MAP3K21: variants seen among roughly 807,000 people sequenced by gnomAD.
MAP3K21 encodes the protein mitogen-activated protein kinase kinase kinase 21.
Under a neutral mutation model 86.1 loss-of-function variants are expected in MAP3K21, and 63 were observed. The observed-to-expected ratio is 0.73, with a 90% CI of 0.60 to 0.90. The LOEUF (loss-of-function observed/expected upper bound fraction) is 0.90. MAP3K21 is among the 40% of genes least tolerant of loss of function. The probability of loss-of-function intolerance (pLI) is 0.00; values close to 1 mark genes in which losing one functional copy is unlikely to be tolerated. For synonymous variants in MAP3K21, 558 were observed against 564.8 expected (o/e 0.99, Z 0.17); for missense variants, 1,220 against 1,367.7 (o/e 0.89, Z 1.70).
chr1:233,348,858 G>T (rs1431171928), intron 2 of MAP3K21, among the ~76,000 whole-genome samples: 1 of 152,088 alleles, frequency 6.6e-6, no homozygotes, highest in Admixed American at 6.5e-5. Flanking sequence ...AGGTCTGCCT[G>T]GCTCTCAGAT....
intron 2 of MAP3K21, among the ~76,000 whole-genome samples, chr1:233,349,846 A>G (rs991795267): frequency 6.6e-6 from 1 of 152,044 alleles, no homozygotes; most frequent in Non-Finnish European, 1.5e-5. Context: ...CTGAGGCTGG[A>G]GAATCACTTG....
In MAP3K21 at chr1:233,334,573, TA is replaced by T. The variant is rs58009276; in HGVS notation, c.805+5741del. ...GGAACAATGAGTAGTTAGGTGTAAC[TA>T]GAATGAAAAGTGGAGAAAGGGTTTT... On this transcript the variant is annotated intron_variant, in intron 1 of 9. Coordinates refer to ENST00000366624, the MANE Select transcript of MAP3K21 (RefSeq NM_032435.3). Among the ~76,000 whole-genome samples the T allele has an allele frequency of 6.3e-3, 910 of 144,316 alleles. 20 individuals are homozygous for T. The East Asian group carries it at 0.069, about 11-fold the overall frequency. The allele number at this position is 144,316 out of a possible 152,430, so 94.7% of individuals were successfully genotyped here. A position where few individuals can be genotyped will look rare whatever the true frequency, so the allele number is the denominator to read the frequency against.
chr1:233,345,979 G>A (rs963615657), intron 1 of MAP3K21, among the ~76,000 whole-genome samples: 1 of 152,134 alleles, frequency 6.6e-6, no homozygotes, highest in Non-Finnish European at 1.5e-5. Context: ...ATCAGTTAAA[G>A]AATCTATAAG....
chr1:233,371,211 C>T (rs1017935062), intron 5 of MAP3K21, among the ~76,000 whole-genome samples: 4 of 152,170 alleles, frequency 2.6e-5, no homozygotes, highest in Non-Finnish European at 4.4e-5. Context: ...TTCAACACCA[C>T]GACCACCATG....
intron 2 of MAP3K21, 41 bp from the exon 3 acceptor site, chr1:233,353,766 A>G (rs1215717499): frequency 2.0e-6 from 3 of 1,474,604 alleles, no homozygotes; most frequent in Admixed American, 2.4e-5. Flanking sequence ...AGGAAAAGAC[A>G]CTGTTTAGCC....
At chr1:233,366,961 A>G (rs946275824) in intron 5 of MAP3K21, among the ~76,000 whole-genome samples, 13 of 152,166 alleles carry the variant, frequency 8.5e-5, no homozygotes, top group African/African-American at 3.1e-4. Context: ...ATACTTTGTG[A>G]TTATGTAGTA....
chr1:233,357,725 G>A (rs1663391160), intron 4 of MAP3K21, among the ~76,000 whole-genome samples: 1 of 152,190 alleles, frequency 6.6e-6, no homozygotes, highest in South Asian at 2.1e-4. Context: ...GCACACAAGG[G>A]GGTGGGGACT....
chr1:233,328,518 G>T lies in MAP3K21; in HGVS notation c.490G>T (p.Ala164Ser). 1.3e-6 allele frequency: 2 copies of T among 1,527,082 alleles called. No individual in the cohort carries two copies. Among genetic ancestry groups the T allele is most frequent in the Non-Finnish European group, 1.7e-6 (2 of 1,147,864 alleles). The allele number at this position is 1,527,082 out of a possible 1,614,324, so 94.6% of individuals were successfully genotyped here. A position where few individuals can be genotyped will look rare whatever the true frequency, so the allele number is the denominator to read the frequency against. Reference protein sequence around the residue: ...RQDPEQDAAAAAESVRREARL... With the variant: ...RQDPEQDAAASAESVRREARL... ...GGACCCGGAGCAGGACGCGGCGGCG[G>T]CTGCCGAGAGCGTGCGGCGCGAGGC... is the stretch of plus-strand genomic sequence containing the variant. The change falls in exon 1 of 10, where the codon GCT becomes TCT. Residue 164 changes from alanine to serine, a missense_variant. Physicochemically the swap from Ala to Ser is moderately conservative, Grantham distance 99. This residue lies in a region of MAP3K21 where 369 missense variants were observed against 385.3 expected (regional missense o/e 0.96). Coordinates refer to ENST00000366624, the MANE Select transcript of MAP3K21 (RefSeq NM_032435.3). The surrounding 1 kb of genome is among the most constrained non-coding windows in gnomAD (Gnocchi z 8.7).
At chr1:233,339,466 T>C (rs1662994268) in intron 1 of MAP3K21, among the ~76,000 whole-genome samples, 1 of 104,914 alleles carries the variant, frequency 9.5e-6, no homozygotes, top group Admixed American at 1.3e-4. Context: ...CTCCTCCTCC[T>C]TCTCCTTCTT....
At chr1:233,334,130 A>G (rs1662868101) in intron 1 of MAP3K21, among the ~76,000 whole-genome samples, 1 of 147,912 alleles carries the variant, frequency 6.8e-6, no homozygotes, top group African/African-American at 2.5e-5. Flanking sequence ...CGCCCAAAGT[A>G]CTGGGATTAC....
intron 4 of MAP3K21, among the ~76,000 whole-genome samples, chr1:233,357,294 A>AC (rs1023550280): frequency 2.6e-5 from 4 of 152,216 alleles, no homozygotes; most frequent in Admixed American, 1.3e-4. Flanking sequence ...TAGGAGATAT[A>AC]CCTAATGTAA....
intron 8 of MAP3K21, among the ~76,000 whole-genome samples, chr1:233,377,329 C>T: frequency 6.6e-6 from 1 of 152,152 alleles, no homozygotes; most frequent in East Asian, 1.9e-4. Flanking sequence ...TAGGCAGACT[C>T]TTTGGTACTT....
At position 233,376,468 on chromosome 1, in the gene MAP3K21, C is replaced by G. The variant is rs139378773; in HGVS notation, c.1865C>G (p.Thr622Ser). Reference sequence around the variant, plus strand: ...TCCGATGGCAACAGTCCTTGGTCAACTATCTTAATAAAAAATCAGAAAACC... The same window carrying G: ...TCCGATGGCAACAGTCCTTGGTCAAGTATCTTAATAAAAAATCAGAAAACC... ...PLSDGNSPWS[T>S]ILIKNQKTMP... The change falls in exon 8 of 10, where the codon ACT (threonine) becomes AGT (serine). Residue 622 changes from threonine (T) to serine (S), a missense_variant. By Grantham distance (58) the Thr-to-Ser change is moderately conservative. Coordinates refer to ENST00000366624, the MANE Select transcript of MAP3K21 (RefSeq NM_032435.3). 8.1e-4 allele frequency: 1,311 copies of G among 1,613,682 alleles called. 7 individuals are homozygous for G. In the African/African-American group the frequency reaches 0.014, roughly 17 times the overall value.
chr1:233,344,991 C>T (rs538333143), intron 1 of MAP3K21, among the ~76,000 whole-genome samples: 1,903 of 151,858 alleles, frequency 0.013, 48 homozygotes, highest in African/African-American at 0.043. Context: ...ATGCTTATCA[C>T]TACTGGTCAT....
chr1:233,337,415 A>G (rs1662938553), intron 1 of MAP3K21, among the ~76,000 whole-genome samples: 1 of 152,198 alleles, frequency 6.6e-6, no homozygotes, highest in Non-Finnish European at 1.5e-5. Flanking sequence ...TTACTTAGAA[A>G]CACTTCTAAG....
intron 1 of MAP3K21, among the ~76,000 whole-genome samples, chr1:233,340,164 C>T (rs985901763): frequency 6.6e-6 from 1 of 152,140 alleles, no homozygotes; most frequent in African/African-American, 2.4e-5. Flanking sequence ...AGGCAAAAGG[C>T]AATGGGGAGA....
Position 233,328,619 on chromosome 1 carries a change from C to A in MAP3K21, c.591C>A (p.Cys197Ter). The A allele has an allele frequency of 2.0e-6, 3 of 1,496,098 alleles. No homozygotes were observed. Among genetic ancestry groups the A allele is most frequent in the Non-Finnish European group, 2.7e-6 (3 of 1,129,500 alleles). 92.7% of individuals were successfully genotyped at this position (1,496,098 alleles called of 1,614,324 possible). The change falls in exon 1 of 10, where the codon TGC becomes TGA. Residue 197 changes from cysteine to a stop codon, truncating the protein, a stop_gained. Transcript: ENST00000366624. LOFTEE classifies it high-confidence loss of function. The surrounding 1 kb of genome is among the most constrained non-coding windows in gnomAD (Gnocchi z 8.7). ...RGVCLQQPHL[C>*]LVLEFARGGA... is the part of the protein sequence containing the mutation. The stretch of plus-strand genomic sequence containing the variant: ...TGTGCCTGCAGCAGCCGCACCTCTG[C>A]CTGGTGCTGGAGTTCGCCCGCGGCG...
At chr1:233,361,451 T>C (rs1663464140) in intron 4 of MAP3K21, among the ~76,000 whole-genome samples, 2 of 152,240 alleles carry the variant, frequency 1.3e-5, no homozygotes, top group African/African-American at 4.8e-5. Context: ...TTCATTTTCA[T>C]TTCCAGCAGG....
At chr1:233,348,718 A>G (rs975748743) in intron 2 of MAP3K21, among the ~76,000 whole-genome samples, 2 of 152,076 alleles carry the variant, frequency 1.3e-5, no homozygotes, top group African/African-American at 4.8e-5. Flanking sequence ...CTCATGGTTA[A>G]AATTACAATT....
Sources: allele counts gnomAD v4.1 joint callset (sites outside exome capture counted in the v4.1 genomes callset), GRCh38; gene constraint gnomAD v4.1.1; regional missense constraint gnomAD v4.1.1; non-coding constraint Gnocchi (gnomAD v3.1); transcripts MANE v1.5; gene names NCBI Gene and HGNC (gene_info 2026-07-23, HGNC 2026-07-21).